Variants in PTPRB observed in about 807,000 individuals in gnomAD.
The protein encoded by PTPRB is protein tyrosine phosphatase receptor type B.
A neutral mutation model predicts 238.1 loss-of-function variants in PTPRB; 97 were observed. The observed-to-expected ratio is 0.41, with a 90% CI of 0.35 to 0.48. PTPRB has a LOEUF of 0.48. Among genes scored for constraint, PTPRB ranks in the 20% least tolerant of loss-of-function variants. The pLI is 0.30. For synonymous variants in PTPRB, 970 were observed against 995.4 expected, an observed-to-expected ratio of 0.97 and a Z score of 0.48; for missense variants, 2,292 against 2,681.9, an observed-to-expected ratio of 0.85 and a Z score of 3.21.
In PTPRB at chr12:70,635,865, C is replaced by A; in HGVS notation, c.257G>T (p.Arg86Leu). 1 of 1,613,630 alleles carries A rather than the reference C, an allele frequency of 6.2e-7. No individual in the cohort carries two copies. The highest frequency in any genetic ancestry group is 8.5e-7 in the Non-Finnish European group (1 of 1,179,776). The change falls in exon 2 of 34, where the codon CGC becomes CTC. Residue 86 changes from arginine (R) to leucine (L), a missense_variant. Transcript: ENST00000334414. ...GGTCCATCGGGGTGCCTGGGAACAG[C>A]GGTCCAAGATGGCTGAGCGGGAGGG... ...RGPSRSAILD[R>L]CSQAPRWTCY...
intron 15 of PTPRB, 84 bp downstream of exon 15, chr12:70,566,351 G>A: frequency 6.8e-7 from 1 of 1,466,302 alleles, no homozygotes; most frequent in Non-Finnish European, 9.2e-7. Flanking sequence ...TCCCAATGTT[G>A]CTTCATCCCT....
chr12:70,593,233 C>T (rs1882664322), intron 6 of PTPRB, among the ~76,000 whole-genome samples: 1 of 152,156 alleles, frequency 6.6e-6, no homozygotes, highest in Non-Finnish European at 1.5e-5. Context: ...GAATGGGCGG[C>T]CAGGAGCAGT....
rs935721187 is a variant in PTPRB, at chr12:70,518,889, C to G, written c.*2600G>C. ...AAAGTGTACTGCACAGGTACACAGA[C>G]AGGATGCCCACCAAGACAGGAAATG... On this transcript the variant is annotated 3_prime_UTR_variant, in exon 34 of 34. Coordinates refer to ENST00000334414, the MANE Select transcript of PTPRB (RefSeq NM_001109754.4). 2.0e-5 allele frequency: 3 copies of G among 152,106 alleles called. No homozygotes were observed. The highest frequency in any genetic ancestry group is 4.4e-5 in the Non-Finnish European group (3 of 68,018). The allele number at this position is 152,106 out of a possible 1,614,324, so 9.4% of individuals were successfully genotyped here. A position where few individuals can be genotyped will look rare whatever the true frequency, so the allele number is the denominator to read the frequency against.
chr12:70,562,974 C>T lies in PTPRB; in HGVS notation c.4038G>A (p.Glu1346=). 6.2e-7 allele frequency: 1 copy of T among 1,614,026 alleles called. No individual in the cohort carries two copies. Among genetic ancestry groups the T allele is most frequent in the Non-Finnish European group, 8.5e-7 (1 of 1,179,892 alleles). ...FLYNPDGNLQ[E]RAQVDPLVQS... is the part of the protein sequence containing the mutation. ...GGACTAGTGGGTCAACTTGAGCTCT[C>T]TCCTGGAGATTCCCATCTGGGTTGT... is the stretch of plus-strand genomic sequence containing the variant. Residue 1346 remains glutamate (E), a synonymous_variant, in exon 16 of 34, where the codon GAG becomes GAA. Transcript: ENST00000334414.
chr12:70,631,846 T>C (rs1399999840), intron 2 of PTPRB, among the ~76,000 whole-genome samples: 2 of 152,200 alleles, frequency 1.3e-5, no homozygotes, highest in Non-Finnish European at 2.9e-5. Context: ...TCATCACTGG[T>C]CATCAGAGAA....
chr12:70,535,958 G>C (rs946024457), intron 29 of PTPRB, 67 bp downstream of exon 29: 1 of 1,590,414 alleles, frequency 6.3e-7, no homozygotes, highest in African/African-American at 1.3e-5. Context: ...TCACTTTGAT[G>C]ATGGGGCAGA....
At chr12:70,568,345 T>C (rs1436439291) in intron 14 of PTPRB, among the ~76,000 whole-genome samples, 1 of 152,200 alleles carries the variant, frequency 6.6e-6, no homozygotes, top group African/African-American at 2.4e-5. Flanking sequence ...GTCACCAAGC[T>C]GGAGTGCAGT....
At chr12:70,637,318 G>A (rs1885753581) in intron 1 of PTPRB, 23 bp downstream of exon 1, 1 of 1,590,308 alleles carries the variant, frequency 6.3e-7, no homozygotes, top group Non-Finnish European at 8.6e-7. Context: ...AATGCCTCAG[G>A]ACACTGAGGC....
chr12:70,592,111 G>T, intron 7 of PTPRB, 171 bp downstream of exon 7: 1 of 835,830 alleles, frequency 1.2e-6, no homozygotes, highest in Non-Finnish European at 1.8e-6. Context: ...TCCAAACTCA[G>T]TTGCCTAAGT....
chr12:70,559,922 G>A (rs1466883743), intron 17 of PTPRB, among the ~76,000 whole-genome samples: 1 of 144,854 alleles, frequency 6.9e-6, no homozygotes, highest in East Asian at 2.1e-4. Context: ...TGCAACCTCC[G>A]CTTCCCAGGT....
rs1873346997 is a variant in PTPRB at position 70,532,108 on chromosome 12, G to C, written c.6431C>G (p.Ser2144Cys). 6.2e-7 allele frequency: 1 copy of C among 1,613,756 alleles called. No homozygotes were observed. Among genetic ancestry groups the C allele is most frequent in the African/African-American group, 1.3e-5 (1 of 74,880 alleles). Residue 2144 changes from serine (S) to cysteine (C), a missense_variant, in exon 32 of 34, where the codon TCC becomes TGC. Transcript: ENST00000334414. ...ALDRILQQLD[S>C]KDSVDIYGAV... Reference sequence around the variant, plus strand: ...TCCATAAATGTCCACAGAGTCTTTGGAGTCTAACTGCTGGAGGATTCGGTC... The same window carrying C: ...TCCATAAATGTCCACAGAGTCTTTGCAGTCTAACTGCTGGAGGATTCGGTC...
chr12:70,590,086 C>T lies in PTPRB; in HGVS notation c.1928G>A (p.Gly643Glu). Residue 643 changes from glycine (G) to glutamate (E), a missense_variant, in exon 8 of 34, where the codon GGA becomes GAA. By Grantham distance (98) the Gly-to-Glu change is moderately conservative (BLOSUM62 -2). Around this residue, in one of 4 missense-constraint regions of PTPRB, gnomAD observed 1,205 missense variants for 1,287.8 expected, o/e 0.94. Transcript: ENST00000334414. ...CATGACATACTGTGTTTCTTCCTTT[C>T]CCACAGTGATGTTGAGCAGCACCAC... The part of the protein sequence containing the change: ...DSVVLLNITV[G>E]KEETQYVMDD... 1.2e-6 allele frequency: 2 copies of T among 1,613,980 alleles called. No homozygotes were observed. Among genetic ancestry groups the T allele is most frequent in the Non-Finnish European group, 1.7e-6 (2 of 1,179,868 alleles).
chr12:70,604,049 G>C (rs1248530943), intron 4 of PTPRB, among the ~76,000 whole-genome samples: 1 of 152,118 alleles, frequency 6.6e-6, no homozygotes, highest in Non-Finnish European at 1.5e-5. Context: ...AAACCAGCCT[G>C]AGCAACATAG....
chr12:70,590,176 A>G lies in PTPRB; in HGVS notation c.1838T>C (p.Val613Ala), dbSNP rs36027530. Reference protein sequence around the residue: ...ANNNGRMRSLVVSWSPPAGDW... With the variant: ...ANNNGRMRSLAVSWSPPAGDW... Reference sequence around the variant, plus strand: ...TCCAGCAGGGGGCGACCAGCTCACTACAAGAGACCTCATCCTGCCATTATT... The same window carrying G: ...TCCAGCAGGGGGCGACCAGCTCACTGCAAGAGACCTCATCCTGCCATTATT... The change falls in exon 8 of 34, where the codon GTA (valine) becomes GCA (alanine). Residue 613 changes from valine to alanine, a missense_variant. Val to Ala is a moderately conservative substitution (Grantham distance 64). Coordinates refer to ENST00000334414, the MANE Select transcript of PTPRB (RefSeq NM_001109754.4). The G allele has an allele frequency of 1.3e-3, 2,152 of 1,606,254 alleles. 19 individuals carry two copies. In the African/African-American group the frequency reaches 0.017, roughly 13 times the overall value.
At chr12:70,618,991 AAGG>A (rs1054810066) in intron 3 of PTPRB, among the ~76,000 whole-genome samples, 2 of 152,174 alleles carry the variant, frequency 1.3e-5, no homozygotes, top group Admixed American at 6.6e-5. Context: ...AGAGAGAGAA[AAGG>A]AGAACGGCAG....
rs867175814 is a variant in PTPRB, at chr12:70,622,470, G to A, written c.628C>T (p.Pro210Ser). The A allele has an allele frequency of 5.0e-6, 8 of 1,613,424 alleles. No homozygotes were observed. Among genetic ancestry groups the A allele is most frequent in the Non-Finnish European group, 6.8e-6 (8 of 1,179,692 alleles). Reference sequence around the variant, plus strand: ...GTAATTCCAGTCATGTGCAGATTGGGATGCTGCCTCTCGCTGCTGTTTTGG... The same window carrying A: ...GTAATTCCAGTCATGTGCAGATTGGAATGCTGCCTCTCGCTGCTGTTTTGG... Reference protein sequence around the residue: ...YSQNSSERQHPNLHMTGITDT... With the variant: ...YSQNSSERQHSNLHMTGITDT... The change falls in exon 3 of 34, where the codon CCC becomes TCC. Residue 210 changes from proline to serine, a missense_variant. Around this residue, in one of 4 missense-constraint regions of PTPRB, gnomAD observed 1,205 missense variants for 1,287.8 expected, o/e 0.94. Coordinates refer to ENST00000334414, the MANE Select transcript of PTPRB (RefSeq NM_001109754.4).
Position 70,635,814 on chromosome 12 carries a change from TC to T in PTPRB, c.307del (p.Glu103ArgfsTer16). On this transcript the variant is annotated frameshift_variant, in exon 2 of 34. Transcript: ENST00000334414. LOFTEE classifies it high-confidence loss of function. ...GAGAAAGAGAGAGGCATTTTCCACCTCAAGGAAGCCTTCCTGATCATAGCAG... is the reference window on the plus strand; with the variant it reads ...GAGAAAGAGAGAGGCATTTTCCACCTAAGGAAGCCTTCCTGATCATAGCAG... ...WTCYDQEGFL[E>X]VENASLFLQK... The T allele has an allele frequency of 6.2e-7, 1 of 1,613,538 alleles. No homozygotes were observed.
intron 10 of PTPRB, among the ~76,000 whole-genome samples, chr12:70,579,223 T>A (rs1881108444): frequency 6.6e-6 from 1 of 152,148 alleles, no homozygotes. Flanking sequence ...TAGGAGTGAA[T>A]TATTGTGTGT....
chr12:70,529,721 G>GGTCATCAGT (rs1345796770), intron 32 of PTPRB, among the ~76,000 whole-genome samples: 1 of 152,120 alleles, frequency 6.6e-6, no homozygotes, highest in Non-Finnish European at 1.5e-5. Flanking sequence ...GCTAGGCAGA[G>GGTCATCAGT]GTCATCAGTG....
Sources: gnomAD v4.1 joint callset for allele counts (sites outside exome capture counted in the v4.1 genomes callset) on GRCh38, gnomAD v4.1.1 for gene constraint, gnomAD v4.1.1 regional missense constraint, MANE v1.5 for transcripts, NCBI Gene and HGNC (gene_info 2026-07-23, HGNC 2026-07-21) for gene names.